Variants in ITGB5 observed in about 807,000 individuals in gnomAD.
ITGB5 encodes the protein integrin beta-5.
Under a neutral mutation model 84.8 loss-of-function variants are expected in ITGB5, and 38 were observed. That is an observed-to-expected ratio of 0.45 (90% CI 0.35 to 0.59). The LOEUF is 0.59. Ranked by LOEUF, ITGB5 falls within the 20% of genes least tolerant of loss-of-function variation. ITGB5 has a pLI of 0.01. For missense variants in ITGB5, 905 were observed against 1,034.5 expected (o/e 0.87, Z 1.72); for synonymous variants, 393 against 414.4 (o/e 0.95, Z 0.63).
At chr3:124,837,867 C>T (rs769327695) in intron 5 of ITGB5, among the ~76,000 whole-genome samples, 2 of 152,212 alleles carry the variant, frequency 1.3e-5, no homozygotes, top group Admixed American at 6.5e-5. Flanking sequence ...GGAAGTAGAG[C>T]GTGCAGCGCT....
At chr3:124,817,102 G>T (rs1360304101) in intron 8 of ITGB5, among the ~76,000 whole-genome samples, 1 of 152,102 alleles carries the variant, frequency 6.6e-6, no homozygotes, top group Non-Finnish European at 1.5e-5. Flanking sequence ...ATGGATTGTC[G>T]ATTCTCCCAT....
intron 6 of ITGB5, among the ~76,000 whole-genome samples, chr3:124,820,221 C>A (rs1458357479): frequency 6.6e-6 from 1 of 152,218 alleles, no homozygotes; most frequent in Non-Finnish European, 1.5e-5. Context: ...CCTGTCCTCT[C>A]TCCTCTAAGA....
At chr3:124,840,652 C>A (rs1313037003) in intron 5 of ITGB5, among the ~76,000 whole-genome samples, 1 of 140,072 alleles carries the variant, frequency 7.1e-6, no homozygotes, top group Non-Finnish European at 1.5e-5. Flanking sequence ...CCACACAATT[C>A]TTTTTCTTTC....
chr3:124,763,301 G>A lies in ITGB5; in HGVS notation c.*322C>T. The A allele has an allele frequency of 4.5e-6, 1 of 222,568 alleles. No homozygotes were observed. Among genetic ancestry groups the A allele is most frequent in the South Asian group, 9.5e-5 (1 of 10,494 alleles). The allele number at this position is 222,568 out of a possible 1,614,324, so 13.8% of individuals were successfully genotyped here. ...GCCAGGCTGGGGGCCCAGCATTCCT[G>A]GAAGGGAGAGACAGCCCAGCATCTC... On this transcript the variant is annotated 3_prime_UTR_variant, in exon 15 of 15. Coordinates refer to ENST00000296181, the MANE Select transcript of ITGB5 (RefSeq NM_002213.5).
chr3:124,774,298 A>C (rs1028032670), intron 10 of ITGB5, among the ~76,000 whole-genome samples: 7 of 152,136 alleles, frequency 4.6e-5, no homozygotes, highest in African/African-American at 1.4e-4. Context: ...CACAGATGAG[A>C]TTAAGTTAAG....
intron 1 of ITGB5, chr3:124,901,151 C>T (rs7374999): frequency 0.16 from 24,120 of 152,102 alleles, 2,242 homozygotes; most frequent in South Asian, 0.22. Flanking sequence ...CAGCACTTTG[C>T]GAGGCCAAAG....
At chr3:124,800,884 C>T (rs999776104) in intron 9 of ITGB5, among the ~76,000 whole-genome samples, 5 of 152,222 alleles carry the variant, frequency 3.3e-5, no homozygotes, top group Admixed American at 1.3e-4. Flanking sequence ...TCCATTCATT[C>T]GCTCTGAGAT....
chr3:124,868,508 A>G (rs1188672855), intron 2 of ITGB5, among the ~76,000 whole-genome samples: 1 of 151,244 alleles, frequency 6.6e-6, no homozygotes, highest in East Asian at 2.0e-4. Flanking sequence ...GGCCAGGCAC[A>G]GTGGCTCACT....
At chr3:124,767,976 A>G (rs1455697244) in intron 12 of ITGB5, among the ~76,000 whole-genome samples, 1 of 152,152 alleles carries the variant, frequency 6.6e-6, no homozygotes, top group Non-Finnish European at 1.5e-5. Flanking sequence ...GGCTGAGGAA[A>G]GAGGTTTGCC....
At chr3:124,800,846 CT>C (rs2064304013) in intron 9 of ITGB5, among the ~76,000 whole-genome samples, 1 of 152,210 alleles carries the variant, frequency 6.6e-6, no homozygotes. Flanking sequence ...TCAACTGATA[CT>C]GAAGGCTCCC....
At chr3:124,819,900 C>A in intron 6 of ITGB5, 66 bp from the exon 7 acceptor site, 1 of 1,150,724 alleles carries the variant, frequency 8.7e-7, no homozygotes, top group Non-Finnish European at 1.3e-6. Flanking sequence ...CACCTGGCTC[C>A]AATGCACAGT....
At chr3:124,829,310 T>G (rs2064825943) in intron 5 of ITGB5, among the ~76,000 whole-genome samples, 1 of 152,234 alleles carries the variant, frequency 6.6e-6, no homozygotes, top group Admixed American at 6.5e-5. Context: ...CAAAACCAAT[T>G]TCGCTAAACA....
intron 4 of ITGB5, among the ~76,000 whole-genome samples, chr3:124,843,288 T>A (rs1215476473): frequency 1.3e-5 from 2 of 152,130 alleles, no homozygotes; most frequent in East Asian, 1.9e-4. Context: ...ACTCTCCCCC[T>A]CTCTCTTCCT....
At chr3:124,801,821 C>T (rs2064320694) in intron 9 of ITGB5, among the ~76,000 whole-genome samples, 1 of 152,240 alleles carries the variant, frequency 6.6e-6, no homozygotes, top group Admixed American at 6.5e-5. Context: ...ACCACTGTGG[C>T]CCAAGCCAGC....
intron 9 of ITGB5, among the ~76,000 whole-genome samples, chr3:124,801,115 TAC>T (rs1481403862): frequency 6.6e-6 from 1 of 152,126 alleles, no homozygotes; most frequent in African/African-American, 2.4e-5. Context: ...GGGCACAGGC[TAC>T]AGAGTCCCGA....
chr3:124,805,611 C>G (rs1274804504), intron 9 of ITGB5, among the ~76,000 whole-genome samples: 4 of 152,040 alleles, frequency 2.6e-5, no homozygotes, highest in Non-Finnish European at 5.9e-5. Context: ...GCTACCATGC[C>G]CGGCTAATTT....
chr3:124,871,544 G>C (rs1230711032), intron 2 of ITGB5, among the ~76,000 whole-genome samples: 1 of 152,144 alleles, frequency 6.6e-6, no homozygotes, highest in Non-Finnish European at 1.5e-5. Flanking sequence ...GGAAAGGAGG[G>C]GCCGGGCATG....
chr3:124,800,145 G>T (rs1411667653), intron 9 of ITGB5, among the ~76,000 whole-genome samples: 1 of 152,104 alleles, frequency 6.6e-6, no homozygotes, highest in Non-Finnish European at 1.5e-5. Context: ...GCTACCTGTA[G>T]CTTGCTTCAA....
intron 13 of ITGB5, among the ~76,000 whole-genome samples, chr3:124,764,898 C>T (rs1018820032): frequency 6.6e-6 from 1 of 152,200 alleles, no homozygotes; most frequent in Non-Finnish European, 1.5e-5. Context: ...GTTTCAGGAG[C>T]AGACTGGGCA....
Sources: gnomAD v4.1 joint callset for allele counts (sites outside exome capture counted in the v4.1 genomes callset) on GRCh38, gnomAD v4.1.1 for gene constraint, MANE v1.5 for transcripts, NCBI Gene and HGNC (gene_info 2026-07-23, HGNC 2026-07-21) for gene names.